FSHR: variants seen among roughly 807,000 people sequenced by gnomAD.
The protein encoded by FSHR is follicle stimulating hormone receptor.
Under a neutral mutation model 52.1 loss-of-function variants are expected in FSHR, and 46 were observed. The ratio of observed to expected loss-of-function variants is 0.88; its 90% CI spans 0.70 to 1.13. The LOEUF (loss-of-function observed/expected upper bound fraction) is 1.13, where lower values mean the gene tolerates loss of function less well. Among genes scored for constraint, FSHR ranks in the 50% most tolerant of loss-of-function variants. The probability of loss-of-function intolerance (pLI) is 0.00; values close to 1 mark genes in which losing one functional copy is unlikely to be tolerated. For synonymous variants in FSHR, 399 were observed against 309.6 expected (o/e 1.29, Z -3.03); for missense variants, 964 against 834.6 (o/e 1.16, Z -1.91).
At chr2:49,081,199 A>G (rs1324368149) in intron 1 of FSHR, among the ~76,000 whole-genome samples, 7 of 152,150 alleles carry the variant, frequency 4.6e-5, no homozygotes, top group Non-Finnish European at 8.8e-5. Flanking sequence ...CCTCACCATT[A>G]AACAGGAATA....
intron 4 of FSHR, among the ~76,000 whole-genome samples, chr2:48,999,887 T>C (rs1186430539): frequency 6.6e-6 from 1 of 152,146 alleles, no homozygotes; most frequent in Non-Finnish European, 1.5e-5. Flanking sequence ...TGGTGTTTCC[T>C]AGTTCAACCT....
chr2:49,132,968 T>TAAAAAAAAAAAAAAAAAAAAAAAAAA (rs34913428), intron 1 of FSHR, among the ~76,000 whole-genome samples: 8 of 48,650 alleles, frequency 1.6e-4, no homozygotes, highest in African/African-American at 6.8e-4. Flanking sequence ...TAAAACTCAG[T>TAAAAAAAAAAAAAAAAAAAAAAAAAA]AAAAAAAAAA....
At chr2:48,986,418 G>A (rs1161856782) in intron 6 of FSHR, among the ~76,000 whole-genome samples, 1 of 127,148 alleles carries the variant, frequency 7.9e-6, no homozygotes, top group Admixed American at 8.8e-5. Context: ...TTTTCTGAGT[G>A]TGCTCAAATG....
At chr2:48,980,182 G>A (rs191318189) in intron 8 of FSHR, among the ~76,000 whole-genome samples, 9 of 152,284 alleles carry the variant, frequency 5.9e-5, no homozygotes, top group East Asian at 1.9e-4. Flanking sequence ...GAGGAAATTC[G>A]CAATTATAGG....
intron 2 of FSHR, among the ~76,000 whole-genome samples, chr2:49,034,234 A>G (rs1668200368): frequency 6.6e-6 from 1 of 152,230 alleles, no homozygotes; most frequent in Admixed American, 6.5e-5. Flanking sequence ...GGAGGAAGCC[A>G]GTTCTAACAC....
At position 49,032,045 on chromosome 2, in the gene FSHR, G is replaced by A. The variant is rs112521026; in HGVS notation, c.225-11885C>T. ...TTGAATGAACAAGTGACATCCTCAG[G>A]GCTTGAAGTCCTTTGCCTTATATTG... On this transcript the variant is annotated intron_variant, in intron 2 of 9. Transcript: ENST00000406846. Among the ~76,000 whole-genome samples the A allele has an allele frequency of 4.6e-3, 693 of 152,138 alleles. 12 individuals are homozygous for A. Among genetic ancestry groups the A allele is most frequent in the African/African-American group, 0.015 (642 of 41,484 alleles).
At chr2:48,968,675 C>T in intron 9 of FSHR, 23 bp downstream of exon 9, 8 of 1,613,186 alleles carry the variant, frequency 5.0e-6, no homozygotes, top group Non-Finnish European at 5.1e-6. Flanking sequence ...AATGCCTGAG[C>T]AGGGCTTAAA....
At position 48,963,093 on chromosome 2, in the gene FSHR, C is replaced by T. The variant is rs746810761; in HGVS notation, c.1728G>A (p.Met576Ile). 7 of 1,614,058 alleles carry T rather than the reference C, an allele frequency of 4.3e-6. No homozygotes were observed. In the South Asian group the frequency reaches 6.6e-5, roughly 15 times the overall value. Residue 576 changes from methionine to isoleucine, a missense_variant, in exon 10 of 10, where the codon ATG becomes ATA. Coordinates refer to ENST00000406846, the MANE Select transcript of FSHR (RefSeq NM_000145.4). ...TGCAGAGGAAGTCAGTGAAGATGAG[C>T]ATGGCCATGCGCTTGGCGATCCTGG... The part of the protein sequence containing the change: ...SDTRIAKRMA[M>I]LIFTDFLCMA...
At chr2:49,106,695 C>G (rs1671235244) in intron 1 of FSHR, among the ~76,000 whole-genome samples, 1 of 152,120 alleles carries the variant, frequency 6.6e-6, no homozygotes, top group Admixed American at 6.5e-5. Flanking sequence ...ACATTTTGCT[C>G]TTTAGGACTC....
intron 1 of FSHR, among the ~76,000 whole-genome samples, chr2:49,090,034 G>A (rs2103687151): frequency 1.3e-5 from 2 of 152,324 alleles, no homozygotes; most frequent in Middle Eastern, 3.4e-3. Flanking sequence ...GCATTTTCCA[G>A]GGTTGTTTAT....
intron 1 of FSHR, among the ~76,000 whole-genome samples, chr2:49,088,304 C>A (rs780610237): frequency 2.6e-5 from 4 of 151,892 alleles, no homozygotes; most frequent in Non-Finnish European, 5.9e-5. Context: ...AAAAGTAGGA[C>A]CAGGTAAGAA....
intron 2 of FSHR, among the ~76,000 whole-genome samples, chr2:49,046,204 A>C (rs1311535411): frequency 1.3e-5 from 2 of 152,246 alleles, no homozygotes; most frequent in Non-Finnish European, 1.5e-5. Context: ...TAGGATAGCC[A>C]CATGAAGATA....
chr2:48,962,960 C>A lies in FSHR; in HGVS notation c.1861G>T (p.Ala621Ser). The change falls in exon 10 of 10, where the codon GCC becomes TCC. Residue 621 changes from alanine to serine, a missense_variant. Transcript: ENST00000406846. ...LVLFHPINSC[A>S]NPFLYAIFTK... ...AAGATGGCATAGAGGAAGGGGTTGG[C>A]ACAGGAGTTGATGGGGTGAAACAGA... is the stretch of plus-strand genomic sequence containing the variant. 4 of 1,614,062 alleles carry A rather than the reference C, an allele frequency of 2.5e-6. No homozygotes were observed. Among genetic ancestry groups the A allele is most frequent in the Middle Eastern group, 1.7e-4 (1 of 6,060 alleles).
chr2:49,103,873 C>A (rs1458626325), intron 1 of FSHR, among the ~76,000 whole-genome samples: 1 of 151,960 alleles, frequency 6.6e-6, no homozygotes, highest in African/African-American at 2.4e-5. Context: ...GAATAGAGGA[C>A]AACAGGTGCT....
intron 2 of FSHR, among the ~76,000 whole-genome samples, chr2:49,038,168 A>G (rs531397460): frequency 2.0e-5 from 3 of 152,330 alleles, no homozygotes; most frequent in South Asian, 4.1e-4. Flanking sequence ...GACATGCAAT[A>G]ACTGAAGAGA....
intron 1 of FSHR, among the ~76,000 whole-genome samples, chr2:49,134,539 A>G (rs1672416231): frequency 6.6e-6 from 1 of 152,184 alleles, no homozygotes; most frequent in African/African-American, 2.4e-5. Flanking sequence ...TAGAAATACC[A>G]TTTGACCCAG....
intron 1 of FSHR, among the ~76,000 whole-genome samples, chr2:49,153,485 T>C (rs1231954895): frequency 6.6e-6 from 1 of 152,150 alleles, no homozygotes; most frequent in East Asian, 1.9e-4. Flanking sequence ...ATTTCTACTT[T>C]TGGCTCCATC....
chr2:49,029,991 C>T (rs1668043398), intron 2 of FSHR, among the ~76,000 whole-genome samples: 1 of 152,190 alleles, frequency 6.6e-6, no homozygotes. Flanking sequence ...AGGCGGGGCT[C>T]CATGCCGCAT....
chr2:49,071,076 A>G (rs1330664557), intron 1 of FSHR, among the ~76,000 whole-genome samples: 1 of 152,172 alleles, frequency 6.6e-6, no homozygotes. Flanking sequence ...TGAGATGTGG[A>G]AGATGGAATG....
Sources: allele counts gnomAD v4.1 joint callset (sites outside exome capture counted in the v4.1 genomes callset), GRCh38; gene constraint gnomAD v4.1.1; transcripts MANE v1.5; gene names NCBI Gene and HGNC (gene_info 2026-07-23, HGNC 2026-07-21).